The following ZCWPW1 variants were observed in gnomAD, a reference collection of about 807,000 sequenced individuals.
ZCWPW1 encodes zinc finger CW-type and PWWP domain containing 1.
In ZCWPW1, 56 loss-of-function variants were observed where a neutral mutation model predicts 81.3. That is an observed-to-expected ratio of 0.69 (90% CI 0.56 to 0.86). The LOEUF (loss-of-function observed/expected upper bound fraction) is 0.86. ZCWPW1 is among the 40% of genes least tolerant of loss of function. The probability of loss-of-function intolerance (pLI) is 0.00; values close to 1 mark genes in which losing one functional copy is unlikely to be tolerated. For missense variants in ZCWPW1, 650 were observed against 769.8 expected (o/e 0.84, Z 1.84); for synonymous variants, 250 against 273.7 (o/e 0.91, Z 0.86).
At chr7:100,423,795 A>G (rs996424726) in intron 2 of ZCWPW1, among the ~76,000 whole-genome samples, 2 of 152,172 alleles carry the variant, frequency 1.3e-5, no homozygotes, top group African/African-American at 4.8e-5. Flanking sequence ...TTGGCCAGGC[A>G]TGGTGGCTCA....
intron 17 of ZCWPW1, among the ~76,000 whole-genome samples, chr7:100,401,610 A>T (rs1791908878): frequency 6.6e-6 from 1 of 152,204 alleles, no homozygotes; most frequent in South Asian, 2.1e-4. Flanking sequence ...AAAAATTTAA[A>T]GGAGCAGGCA....
rs147772788 is a variant in ZCWPW1, at chr7:100,423,884, C to T, written c.-30+1146G>A. Among the ~76,000 whole-genome samples the T allele has an allele frequency of 3.6e-3, 543 of 152,134 alleles. 4 individuals are homozygous for T. Among genetic ancestry groups the T allele is most frequent in the African/African-American group, 0.012 (510 of 41,496 alleles). On this transcript the variant is annotated intron_variant, in intron 2 of 17. Transcript: ENST00000684423. Reference sequence around the variant, plus strand: ...AGGAGTTCGAGACCAGCCTGTTCAACGTGGCGAAACCCCTTCTCTACTAAA... The same window carrying T: ...AGGAGTTCGAGACCAGCCTGTTCAATGTGGCGAAACCCCTTCTCTACTAAA...
At chr7:100,409,155 A>G (rs774372546) in intron 9 of ZCWPW1, among the ~76,000 whole-genome samples, 18 of 152,048 alleles carry the variant, frequency 1.2e-4, no homozygotes, top group Non-Finnish European at 2.4e-4. Context: ...CCCAATACCA[A>G]TATTTTAATC....
At chr7:100,404,309 C>T (rs969394648) in intron 13 of ZCWPW1, 65 bp from the exon 14 acceptor site, 1 of 1,418,412 alleles carries the variant, frequency 7.1e-7, no homozygotes, top group Non-Finnish European at 9.8e-7. Context: ...TGCCTTCTGT[C>T]TTCTGGAATT....
Position 100,401,913 on chromosome 7 carries a change from C to T in ZCWPW1, c.1603G>A (p.Gly535Arg). Reference protein sequence around the residue: ...APRMGRKEGQGNSDSDQPGPK... With the variant: ...APRMGRKEGQRNSDSDQPGPK... The stretch of plus-strand genomic sequence containing the variant: ...CCTGGCTGGTCAGAATCTGAATTCC[C>T]TTGGCCTTCTTTCCTTCCCATTCTG... Residue 535 changes from glycine to arginine, a missense_variant, in exon 17 of 18, where the codon GGG becomes AGG. Transcript: ENST00000684423. 6.2e-7 allele frequency: 1 copy of T among 1,613,790 alleles called. No individual in the cohort carries two copies. The highest frequency in any genetic ancestry group is 8.5e-7 in the Non-Finnish European group (1 of 1,179,790).
chr7:100,422,754 C>T (rs1796578773), intron 2 of ZCWPW1, among the ~76,000 whole-genome samples: 1 of 152,092 alleles, frequency 6.6e-6, no homozygotes, highest in Non-Finnish European at 1.5e-5. Flanking sequence ...CAAGTAGGCC[C>T]CAGTGTCTAT....
At chr7:100,426,216 G>A (rs368834302) in intron 1 of ZCWPW1, among the ~76,000 whole-genome samples, 3 of 152,270 alleles carry the variant, frequency 2.0e-5, no homozygotes, top group East Asian at 3.9e-4. Context: ...TATTTCAGCC[G>A]GGCGCAGTGG....
intron 2 of ZCWPW1, among the ~76,000 whole-genome samples, chr7:100,421,203 C>G (rs901320880): frequency 6.6e-6 from 1 of 152,104 alleles, no homozygotes; most frequent in African/African-American, 2.4e-5. Flanking sequence ...TTTTATGTGC[C>G]TAGAACCATG....
At chr7:100,418,868 T>C in intron 5 of ZCWPW1, 1 of 288,494 alleles carries the variant, frequency 3.5e-6, no homozygotes, top group Non-Finnish European at 6.3e-6. Context: ...GTTAAGACTA[T>C]ATATAAATTC....
intron 2 of ZCWPW1, among the ~76,000 whole-genome samples, chr7:100,421,142 C>A (rs888487646): frequency 6.6e-6 from 1 of 152,050 alleles, no homozygotes; most frequent in Non-Finnish European, 1.5e-5. Flanking sequence ...AGAGTGAGAC[C>A]CTGACTCAAA....
In ZCWPW1 at chr7:100,417,004, C is replaced by T; in HGVS notation, c.479+62G>A. ...CCAGATAGACAGACAGATAGATAGA[C>T]TGACTGACCATGAATGTGTAGTCCA... On this transcript the variant is annotated intron_variant, in intron 6 of 17. Transcript: ENST00000684423. 10 of 1,117,556 alleles carry T rather than the reference C, an allele frequency of 8.9e-6. No homozygotes were observed. In the South Asian group the frequency reaches 1.2e-4, roughly 13 times the overall value. The allele number at this position is 1,117,556 out of a possible 1,614,324, so 69.2% of individuals were successfully genotyped here. A position where few individuals can be genotyped will look rare whatever the true frequency, so the allele number is the denominator to read the frequency against.
intron 5 of ZCWPW1, among the ~76,000 whole-genome samples, chr7:100,417,893 G>GTT (rs1230811022): frequency 6.7e-6 from 1 of 149,850 alleles, no homozygotes; most frequent in Non-Finnish European, 1.5e-5. Flanking sequence ...TTGTTTTTTG[G>GTT]TTTTTTTTTG....
chr7:100,404,154 G>A (rs775329098), intron 14 of ZCWPW1, 24 bp downstream of exon 14: 1 of 1,613,132 alleles, frequency 6.2e-7, no homozygotes, highest in East Asian at 2.2e-5. Flanking sequence ...TCCTTCTCCA[G>A]TCCTCAACCT....
At position 100,416,383 on chromosome 7, in the gene ZCWPW1, T is replaced by C; in HGVS notation, c.553A>G (p.Lys185Glu). 1 of 1,614,210 alleles carries C rather than the reference T, an allele frequency of 6.2e-7. No individual in the cohort carries two copies. Among genetic ancestry groups the C allele is most frequent in the Non-Finnish European group, 8.5e-7 (1 of 1,180,046 alleles). Reference sequence around the variant, plus strand: ...GGTGCAGGATCTGGCTGGCCTAACTTAGATGTCCTTATCTCAGGGGCAGCT... The same window carrying C: ...GGTGCAGGATCTGGCTGGCCTAACTCAGATGTCCTTATCTCAGGGGCAGCT... ...GEAAPEIRTSKLGQPDPAPSK... is the reference protein window; with the variant it reads ...GEAAPEIRTSELGQPDPAPSK... The change falls in exon 7 of 18, where the codon AAG (lysine) becomes GAG (glutamate). Residue 185 changes from lysine to glutamate, a missense_variant. Coordinates refer to ENST00000684423, the MANE Select transcript of ZCWPW1 (RefSeq NM_001386010.1).
At position 100,403,803 on chromosome 7, in the gene ZCWPW1, A is replaced by G; in HGVS notation, c.1322-18T>C. 2 of 1,606,304 alleles carry G rather than the reference A, an allele frequency of 1.2e-6. No individual in the cohort carries two copies. Among genetic ancestry groups the G allele is most frequent in the East Asian group, 4.5e-5 (2 of 44,840 alleles). On this transcript the variant is annotated intron_variant, in intron 14 of 17. Coordinates refer to ENST00000684423, the MANE Select transcript of ZCWPW1 (RefSeq NM_001386010.1). ...CTGTAAGTCTAGAACAGGAAAAGGA[A>G]GGAAAGGCTAAATCATTCATACCAT...
chr7:100,401,255 G>A lies in ZCWPW1; in HGVS notation c.1709C>T (p.Pro570Leu), dbSNP rs201789513. Residue 570 changes from proline (P) to leucine (L), a missense_variant, in exon 18 of 18, where the codon CCA (proline) becomes CTA (leucine). Physicochemically the swap from Pro to Leu is moderately conservative, Grantham distance 98. Coordinates refer to ENST00000684423, the MANE Select transcript of ZCWPW1 (RefSeq NM_001386010.1). ...ACACGCTGATAGGCCCAGGTTCTTT[G>A]GCACTGTTCTAACTTCTTTTCCCTC... ...FSEGKEVRTV[P>L]KNLGLSACKG... 80 of 1,613,982 alleles carry A rather than the reference G, an allele frequency of 5.0e-5. No individual in the cohort carries two copies. Among genetic ancestry groups the A allele is most frequent in the Non-Finnish European group, 1.7e-5 (20 of 1,179,940 alleles).
intron 1 of ZCWPW1, among the ~76,000 whole-genome samples, chr7:100,425,691 C>T (rs1342855423): frequency 6.6e-6 from 1 of 152,092 alleles, no homozygotes; most frequent in Non-Finnish European, 1.5e-5. Context: ...CAGACGAGAA[C>T]CCAGTTGTTT....
chr7:100,409,433 T>A lies in ZCWPW1; in HGVS notation c.866A>T (p.Asn289Ile). 1 of 1,609,880 alleles carries A rather than the reference T, an allele frequency of 6.2e-7. No individual in the cohort carries two copies. The highest frequency in any genetic ancestry group is 8.5e-7 in the Non-Finnish European group (1 of 1,176,186). The change falls in exon 9 of 18, where the codon AAC (asparagine) becomes ATC (isoleucine). Residue 289 changes from asparagine (N) to isoleucine (I), a missense_variant. Asn to Ile is a moderately radical substitution (Grantham distance 149). Coordinates refer to ENST00000684423, the MANE Select transcript of ZCWPW1 (RefSeq NM_001386010.1). The stretch of plus-strand genomic sequence containing the variant: ...ACATTTCCAGTCTTTTCTACCTGTG[T>A]TCTGATCACAGGACCAATTATCTGG... ...VLPDNWSCDQNTDVQYNRCDI... is the reference protein window; with the variant it reads ...VLPDNWSCDQITDVQYNRCDI...
intron 8 of ZCWPW1, among the ~76,000 whole-genome samples, chr7:100,413,362 C>A (rs1794605138): frequency 6.6e-6 from 1 of 152,344 alleles, no homozygotes; most frequent in East Asian, 1.9e-4. Flanking sequence ...CTTTTAGTAT[C>A]TGGAACATAC....
Sources: gnomAD v4.1 joint callset for allele counts (sites outside exome capture counted in the v4.1 genomes callset) on GRCh38, gnomAD v4.1.1 for gene constraint, MANE v1.5 for transcripts, NCBI Gene and HGNC (gene_info 2026-07-23, HGNC 2026-07-21) for gene names.